Variants in DLGAP1 observed in about 807,000 individuals in gnomAD.
DLGAP1 encodes the protein DLG associated protein 1, also known as disks large-associated protein 1.
In DLGAP1, 11 loss-of-function variants were observed where a neutral mutation model predicts 90.8. The observed-to-expected ratio is 0.12, with a 90% CI of 0.08 to 0.20. The LOEUF (loss-of-function observed/expected upper bound fraction) is 0.20. Ranked by LOEUF, DLGAP1 falls within the 10% of genes least tolerant of loss-of-function variation. DLGAP1 has a pLI of 1.00. For synonymous variants in DLGAP1, 558 were observed against 540.7 expected (o/e 1.03, Z -0.44); for missense variants, 1,050 against 1,333.8 (o/e 0.79, Z 3.31).
At chr18:3,596,820 T>A (rs76573302) in intron 7 of DLGAP1, 61,740 of 519,528 alleles carry the variant, frequency 0.12, 4,319 homozygotes, top group Admixed American at 0.2. Flanking sequence ...CCATTCGCTG[T>A]GATCTCTGAT....
intron 4 of DLGAP1, among the ~76,000 whole-genome samples, chr18:3,861,224 T>A (rs893369970): frequency 3.3e-4 from 50 of 152,294 alleles, no homozygotes; most frequent in African/African-American, 1.1e-3. Flanking sequence ...AGCTCCAAAT[T>A]CCAATAGAGG....
At chr18:3,536,545 T>C (rs1009964964) in intron 9 of DLGAP1, among the ~76,000 whole-genome samples, 30 of 152,140 alleles carry the variant, frequency 2.0e-4, no homozygotes, top group Non-Finnish European at 3.7e-4. Context: ...TTTCAATAAT[T>C]ACCTCTTAAA....
intron 3 of DLGAP1, among the ~76,000 whole-genome samples, chr18:3,976,005 G>A (rs947875977): frequency 4.6e-5 from 7 of 151,940 alleles, no homozygotes; most frequent in African/African-American, 1.2e-4. Flanking sequence ...TGGTGGTGAC[G>A]GTTGTACAAC....
rs937875260 is a variant in DLGAP1, at chr18:3,842,485, T to C, written c.958-28212A>G. On this transcript the variant is annotated intron_variant, in intron 4 of 12. Transcript: ENST00000315677. ...GAGAAACTAGAGGCAGGAAGACCAC[T>C]AGGAGATATTTACAATAGTCTAGCT... 2.0e-5 allele frequency among the ~76,000 whole-genome samples: 3 copies of C among 152,076 alleles called. No individual in the cohort carries two copies. In the East Asian group the frequency reaches 5.8e-4, roughly 29 times the overall value.
chr18:3,793,294 C>G (rs1446273459), intron 5 of DLGAP1, among the ~76,000 whole-genome samples: 1 of 152,160 alleles, frequency 6.6e-6, no homozygotes, highest in Non-Finnish European at 1.5e-5. Flanking sequence ...GGGCACATAC[C>G]TGTCCACTGC....
intron 2 of DLGAP1, among the ~76,000 whole-genome samples, chr18:4,120,983 G>A (rs2076145444): frequency 1.3e-5 from 2 of 152,172 alleles, no homozygotes; most frequent in African/African-American, 4.8e-5. Flanking sequence ...GGTGGTTGGA[G>A]GAGGTGGGCA....
chr18:4,296,109 C>T (rs1460106330), intron 1 of DLGAP1, among the ~76,000 whole-genome samples: 1 of 152,210 alleles, frequency 6.6e-6, no homozygotes, highest in Non-Finnish European at 1.5e-5. Flanking sequence ...AAATATACAA[C>T]ATTCAAGCAA....
intron 1 of DLGAP1, among the ~76,000 whole-genome samples, chr18:4,235,472 C>G (rs2078388628): frequency 6.6e-6 from 1 of 152,018 alleles, no homozygotes; most frequent in Non-Finnish European, 1.5e-5. Flanking sequence ...GCAAATCAAG[C>G]TATAATCCAT....
Position 3,711,499 on chromosome 18 carries a change from C to T in DLGAP1, c.1591+17636G>A, listed in dbSNP as rs538898275. ...ACTTCAATCACCTAAAAGTGGCTCACGTATCCCACCCAGATCATCAGCTGT... is the reference window on the plus strand; with the variant it reads ...ACTTCAATCACCTAAAAGTGGCTCATGTATCCCACCCAGATCATCAGCTGT... On this transcript the variant is annotated intron_variant, in intron 7 of 12. Coordinates refer to ENST00000315677, the MANE Select transcript of DLGAP1 (RefSeq NM_004746.4). This position sits in a 1 kb window ranked among gnomAD's most constrained non-coding sequence, Gnocchi z 4.0. Among the ~76,000 whole-genome samples, 97 of 152,330 alleles carry T rather than the reference C, an allele frequency of 6.4e-4. No homozygotes were observed. Among genetic ancestry groups the T allele is most frequent in the African/African-American group, 2.2e-3 (92 of 41,574 alleles).
rs547308106 is a variant in DLGAP1 at position 4,254,714 on chromosome 18, G to GA, written c.-266-103428dup. On this transcript the variant is annotated intron_variant, in intron 1 of 12. Transcript: ENST00000315677. The stretch of plus-strand genomic sequence containing the variant: ...ATGAAAATTGGAAAGAGACTAAAGT[G>GA]AACACATTTCCTTCCCATATGACTC... Among the ~76,000 whole-genome samples, 294 of 152,272 alleles carry GA rather than the reference G, an allele frequency of 1.9e-3. 1 individual carries two copies. Among genetic ancestry groups the GA allele is most frequent in the African/African-American group, 6.9e-3 (285 of 41,550 alleles).
chr18:3,982,819 T>A (rs893547741), intron 3 of DLGAP1, among the ~76,000 whole-genome samples: 3 of 152,184 alleles, frequency 2.0e-5, no homozygotes, highest in African/African-American at 7.2e-5. Context: ...AAATTTGAAT[T>A]GAGAATGTGA....
At chr18:4,251,387 G>A (rs1277623316) in intron 1 of DLGAP1, among the ~76,000 whole-genome samples, 3 of 152,122 alleles carry the variant, frequency 2.0e-5, no homozygotes, top group Non-Finnish European at 2.9e-5. Flanking sequence ...AGTGAGTTGC[G>A]GGCAGGCAAG....
At chr18:3,885,605 A>G (rs1295397699) in intron 3 of DLGAP1, among the ~76,000 whole-genome samples, 2 of 152,222 alleles carry the variant, frequency 1.3e-5, no homozygotes, top group African/African-American at 2.4e-5. Flanking sequence ...TTGTTCTTTG[A>G]GCAAGGATGG....
chr18:3,628,354 C>T (rs987344351), intron 7 of DLGAP1, among the ~76,000 whole-genome samples: 10 of 151,856 alleles, frequency 6.6e-5, no homozygotes, highest in Admixed American at 5.3e-4. Context: ...CACACTCAGA[C>T]GATTTTTGTA....
At chr18:4,012,752 G>C (rs2074449161) in intron 2 of DLGAP1, among the ~76,000 whole-genome samples, 1 of 143,582 alleles carries the variant, frequency 7.0e-6, no homozygotes, top group Non-Finnish European at 1.5e-5. Flanking sequence ...GTCTTACTCT[G>C]TTACCCAGGC....
Position 3,499,245 on chromosome 18 carries a change from C to G in DLGAP1, c.2874G>C (p.Ser958=), listed in dbSNP as rs1159592504. The G allele has an allele frequency of 1.2e-6, 2 of 1,602,298 alleles. No homozygotes were observed. Among genetic ancestry groups the G allele is most frequent in the Non-Finnish European group, 1.7e-6 (2 of 1,175,988 alleles). ...CGATGCTCTCGGCGCTCTCGGTGGC[C>G]GAGTTCTGGCGGACGGACGCGGCGC... ...AKRAASVRQN[S]ATESAESIEI... Residue 958 remains serine, a synonymous_variant, in exon 13 of 13, where the codon TCG becomes TCC. Coordinates refer to ENST00000315677, the MANE Select transcript of DLGAP1 (RefSeq NM_004746.4). The surrounding 1 kb of genome is among the most constrained non-coding windows in gnomAD (Gnocchi z 6.4).
intron 10 of DLGAP1, among the ~76,000 whole-genome samples, chr18:3,510,551 T>C (rs2050483295): frequency 6.6e-6 from 1 of 152,180 alleles, no homozygotes; most frequent in Non-Finnish European, 1.5e-5. Flanking sequence ...GAGCAGGCAC[T>C]TCCTAAGTGA....
At chr18:4,317,148 A>C (rs916180176) in intron 1 of DLGAP1, among the ~76,000 whole-genome samples, 1 of 152,208 alleles carries the variant, frequency 6.6e-6, no homozygotes. Flanking sequence ...AGAGCGCTGG[A>C]TGCCTTCCTA....
chr18:3,725,123 AC>A (rs1405773607), intron 7 of DLGAP1, among the ~76,000 whole-genome samples: 1 of 152,132 alleles, frequency 6.6e-6, no homozygotes, highest in Non-Finnish European at 1.5e-5. Context: ...CAAATGATTT[AC>A]TTTGTGTCCT....
Sources: allele counts gnomAD v4.1 joint callset (sites outside exome capture counted in the v4.1 genomes callset), GRCh38; gene constraint gnomAD v4.1.1; non-coding constraint Gnocchi (gnomAD v3.1); transcripts MANE v1.5; gene names NCBI Gene and HGNC (gene_info 2026-07-23, HGNC 2026-07-21).